PSEN1: variants seen among roughly 807,000 people sequenced by gnomAD.
PSEN1 encodes presenilin 1, also known as presenilin-1.
PSEN1 carries 15 observed loss-of-function variants against 53.5 expected under a neutral mutation model. That is an observed-to-expected ratio of 0.28 (90% CI 0.19 to 0.43). The LOEUF is 0.43. Among genes scored for constraint, PSEN1 ranks in the 20% least tolerant of loss-of-function variants. The pLI, the probability that PSEN1 is intolerant of heterozygous loss-of-function variation, is 1.00. For synonymous variants in PSEN1, 208 were observed against 209.8 expected (o/e 0.99, Z 0.08); for missense variants, 387 against 571.2 (o/e 0.68, Z 3.29).
chr14:73,139,082 G>A (rs61986862), intron 1 of PSEN1, among the ~76,000 whole-genome samples: 4,069 of 151,584 alleles, frequency 0.027, 78 homozygotes, highest in Non-Finnish European at 0.044. Context: ...AGGAGATGGA[G>A]ACCATCCTGG....
chr14:73,185,760 A>C (rs1184380584), intron 5 of PSEN1, among the ~76,000 whole-genome samples: 1 of 152,200 alleles, frequency 6.6e-6, no homozygotes, highest in East Asian at 1.9e-4. Flanking sequence ...CATATTGGCC[A>C]GGCTGGTCTT....
intron 3 of PSEN1, among the ~76,000 whole-genome samples, chr14:73,166,671 C>T (rs1332058351): frequency 6.6e-6 from 1 of 152,220 alleles, no homozygotes; most frequent in Non-Finnish European, 1.5e-5. Context: ...CTGTCTATCA[C>T]AGTATGTTCT....
At chr14:73,202,639 AT>A (rs1443899062) in intron 8 of PSEN1, among the ~76,000 whole-genome samples, 1 of 149,304 alleles carries the variant, frequency 6.7e-6, no homozygotes, top group African/African-American at 2.5e-5. Context: ...TGCCTGGCTA[AT>A]TTTTTGTATT....
intron 5 of PSEN1, among the ~76,000 whole-genome samples, chr14:73,180,366 T>G (rs1260612324): frequency 6.6e-6 from 1 of 152,226 alleles, no homozygotes; most frequent in Non-Finnish European, 1.5e-5. Flanking sequence ...TTGTGATGTT[T>G]TTTAATGTTC....
At chr14:73,194,411 C>CA (rs1259475738) in intron 7 of PSEN1, among the ~76,000 whole-genome samples, 6 of 151,928 alleles carry the variant, frequency 3.9e-5, no homozygotes, top group Admixed American at 3.9e-4. Context: ...CATGCACTAC[C>CA]ATGCCTAATT....
At chr14:73,204,342 TTGA>T (rs1188835278) in intron 8 of PSEN1, among the ~76,000 whole-genome samples, 1 of 151,448 alleles carries the variant, frequency 6.6e-6, no homozygotes, top group Non-Finnish European at 1.5e-5. Context: ...TATTTTCCTG[TTGA>T]TGTAAGGTGT....
intron 7 of PSEN1, among the ~76,000 whole-genome samples, chr14:73,196,932 C>CTTTTTT (rs557577799): frequency 1.6e-4 from 20 of 128,862 alleles, no homozygotes; most frequent in African/African-American, 2.1e-4. Context: ...TTCTTTCTTT[C>CTTTTTT]TTTTTTTTTT....
chr14:73,180,104 C>T (rs1181368523), intron 5 of PSEN1, among the ~76,000 whole-genome samples: 1 of 152,086 alleles, frequency 6.6e-6, no homozygotes, highest in Non-Finnish European at 1.5e-5. Flanking sequence ...CCTGCCTCAG[C>T]CTCCCAAGTA....
chr14:73,140,552 A>G (rs185476526), intron 1 of PSEN1, among the ~76,000 whole-genome samples: 2 of 152,170 alleles, frequency 1.3e-5, no homozygotes, highest in East Asian at 3.9e-4. Flanking sequence ...TGGCCTAGTT[A>G]TCGTCTTTAT....
intron 5 of PSEN1, among the ~76,000 whole-genome samples, chr14:73,176,162 G>A (rs1021478484): frequency 6.6e-6 from 1 of 152,260 alleles, no homozygotes; most frequent in Admixed American, 6.5e-5. Context: ...GACCATTAAA[G>A]ATGACAGGTA....
At chr14:73,172,084 G>A (rs1200620725) in intron 4 of PSEN1, among the ~76,000 whole-genome samples, 2 of 152,170 alleles carry the variant, frequency 1.3e-5, no homozygotes, top group Non-Finnish European at 2.9e-5. Context: ...CAAACGAATT[G>A]TTAATTGAAA....
chr14:73,176,166 A>G (rs1289506242), intron 5 of PSEN1, among the ~76,000 whole-genome samples: 2 of 152,256 alleles, frequency 1.3e-5, no homozygotes, highest in Admixed American at 1.3e-4. Context: ...ATTAAAGATG[A>G]CAGGTATGTG....
intron 5 of PSEN1, among the ~76,000 whole-genome samples, chr14:73,177,377 G>GT (rs139004553): frequency 6.6e-6 from 1 of 151,726 alleles, no homozygotes; most frequent in Non-Finnish European, 1.5e-5. Flanking sequence ...CTTTGCTGGG[G>GT]TTTTTTTGTG....
At chr14:73,216,098 A>C (rs1043578656) in intron 10 of PSEN1, among the ~76,000 whole-genome samples, 50 of 152,242 alleles carry the variant, frequency 3.3e-4, no homozygotes, top group African/African-American at 1.1e-3. Context: ...ATGGAAAACC[A>C]TTCAGCTTCC....
chr14:73,178,447 C>G (rs1402201322), intron 5 of PSEN1, among the ~76,000 whole-genome samples: 2 of 152,056 alleles, frequency 1.3e-5, no homozygotes, highest in Non-Finnish European at 2.9e-5. Context: ...CTCAGCCTCC[C>G]AAAGTGCTGG....
In PSEN1 at chr14:73,192,672, G is replaced by A. The variant is rs1898770481; in HGVS notation, c.577G>A (p.Val193Met). 6.2e-7 allele frequency: 1 copy of A among 1,613,714 alleles called. No homozygotes were observed. The highest frequency in any genetic ancestry group is 1.7e-5 in the Admixed American group (1 of 59,968). Residue 193 changes from valine (V) to methionine (M), a missense_variant, in exon 7 of 12, where the codon GTG (valine) becomes ATG (methionine). Val to Met is a conservative substitution (Grantham distance 21). Coordinates refer to ENST00000324501, the MANE Select transcript of PSEN1 (RefSeq NM_000021.4). ...AGTGTTTAAAACCTATAACGTTGCT[G>A]TGGACTACATTACTGTTGCACTCCT... Reference protein sequence around the residue: ...GEVFKTYNVAVDYITVALLIW... With the variant: ...GEVFKTYNVAMDYITVALLIW...
intron 9 of PSEN1, among the ~76,000 whole-genome samples, chr14:73,209,992 C>T (rs116616518): frequency 2.0e-5 from 3 of 152,216 alleles, no homozygotes; most frequent in African/African-American, 7.2e-5. Context: ...ATCAAAAACT[C>T]CTCCATCCTA....
At chr14:73,157,743 G>A (rs1013076907) in intron 3 of PSEN1, among the ~76,000 whole-genome samples, 2 of 151,950 alleles carry the variant, frequency 1.3e-5, no homozygotes, top group Non-Finnish European at 2.9e-5. Flanking sequence ...GGTGGCTCAT[G>A]CCTGTAATCC....
At chr14:73,159,688 G>C (rs987905898) in intron 3 of PSEN1, among the ~76,000 whole-genome samples, 1 of 152,122 alleles carries the variant, frequency 6.6e-6, no homozygotes, top group Non-Finnish European at 1.5e-5. Flanking sequence ...TGTTCTCATG[G>C]GGAGGCTTTT....
Sources: gnomAD v4.1 joint callset for allele counts (sites outside exome capture counted in the v4.1 genomes callset) on GRCh38, gnomAD v4.1.1 for gene constraint, MANE v1.5 for transcripts, NCBI Gene and HGNC (gene_info 2026-07-23, HGNC 2026-07-21) for gene names.